The following SLC26A3 variants were observed in gnomAD, a reference collection of about 807,000 sequenced individuals.
The protein encoded by SLC26A3 is solute carrier family 26 member 3.
A neutral mutation model predicts 85.6 loss-of-function variants in SLC26A3; 64 were observed. The ratio of observed to expected loss-of-function variants is 0.75; its 90% confidence interval spans 0.61 to 0.92. SLC26A3 has a LOEUF of 0.92. Ranked by LOEUF, SLC26A3 falls within the 40% of genes least tolerant of loss-of-function variation. SLC26A3 has a pLI of 0.00. For missense variants in SLC26A3, 922 were observed against 927.3 expected (o/e 0.99, Z 0.07); for synonymous variants, 349 against 336.0 (o/e 1.04, Z -0.42).
intron 1 of SLC26A3, among the ~76,000 whole-genome samples, chr7:107,799,177 C>A (rs904987104): frequency 5.9e-5 from 9 of 152,028 alleles, no homozygotes; most frequent in South Asian, 4.1e-4. Context: ...CTGAGGTGGG[C>A]AATAATTGTT....
Position 107,789,608 on chromosome 7 carries a change from A to T in SLC26A3, c.651T>A (p.Ala217=). 1 of 1,614,014 alleles carries T rather than the reference A, an allele frequency of 6.2e-7. No individual in the cohort carries two copies. ...ESLISGFTTA[A]AVHVLVSQLK... Reference sequence around the variant, plus strand: ...GTTGGGAAACCAAAACATGAACAGCAGCAGCAGTAGTGAAGCCACTGATGA... The same window carrying T: ...GTTGGGAAACCAAAACATGAACAGCTGCAGCAGTAGTGAAGCCACTGATGA... Residue 217 remains alanine (A), a synonymous_variant, in exon 6 of 21, where the codon GCT becomes GCA. Coordinates refer to ENST00000340010, the MANE Select transcript of SLC26A3 (RefSeq NM_000111.3).
chr7:107,801,651 A>G (rs1794600315), intron 1 of SLC26A3, among the ~76,000 whole-genome samples: 1 of 152,160 alleles, frequency 6.6e-6, no homozygotes, highest in Non-Finnish European at 1.5e-5. Flanking sequence ...GCTGTTTAGG[A>G]GGTATTAAAC....
intron 4 of SLC26A3, among the ~76,000 whole-genome samples, 196 bp downstream of exon 4, chr7:107,791,633 TA>T: frequency 6.6e-6 from 1 of 151,122 alleles, no homozygotes; most frequent in East Asian, 1.9e-4. Context: ...TAAAAATAAA[TA>T]AATAAATAAA....
At chr7:107,797,500 T>TAAAGAAAAGAA (rs1562883166) in intron 1 of SLC26A3, among the ~76,000 whole-genome samples, 1 of 150,652 alleles carries the variant, frequency 6.6e-6, no homozygotes, top group Non-Finnish European at 1.5e-5. Context: ...TCTCAAAAAA[T>TAAAGAAAAGAA]AAAGAAAAGA....
chr7:107,777,916 T>C (rs1257643930), intron 13 of SLC26A3, among the ~76,000 whole-genome samples: 1 of 152,226 alleles, frequency 6.6e-6, no homozygotes, highest in East Asian at 1.9e-4. Flanking sequence ...GAGATTTATA[T>C]GATTTATTTG....
chr7:107,797,269 G>T (rs1794522344), intron 1 of SLC26A3, among the ~76,000 whole-genome samples: 4 of 152,224 alleles, frequency 2.6e-5, no homozygotes, highest in Non-Finnish European at 5.9e-5. Context: ...TGAAGCAGGA[G>T]GATCACTTGA....
At chr7:107,797,128 G>C (rs1380649953) in intron 1 of SLC26A3, among the ~76,000 whole-genome samples, 1 of 152,172 alleles carries the variant, frequency 6.6e-6, no homozygotes, top group Non-Finnish European at 1.5e-5. Context: ...TGTCCTGCCA[G>C]TAAAAGCCTC....
At chr7:107,781,507 C>T (rs535796691) in intron 11 of SLC26A3, among the ~76,000 whole-genome samples, 3 of 152,082 alleles carry the variant, frequency 2.0e-5, no homozygotes, top group African/African-American at 7.2e-5. Flanking sequence ...AAGTTTACAC[C>T]CGGGGAGAAG....
chr7:107,784,468 A>G (rs959017905), intron 8 of SLC26A3, among the ~76,000 whole-genome samples: 3 of 151,896 alleles, frequency 2.0e-5, no homozygotes, highest in Non-Finnish European at 4.4e-5. Context: ...TTTTTTTGAG[A>G]TGGGGTCTCC....
intron 7 of SLC26A3, 102 bp from the exon 8 acceptor site, chr7:107,787,011 G>A (rs893129171): frequency 2.1e-6 from 2 of 971,582 alleles, no homozygotes; most frequent in Admixed American, 3.6e-5. Context: ...TACCTGTTAA[G>A]TAAGAACTCC....
At chr7:107,792,924 G>T (rs1439990530) in intron 3 of SLC26A3, among the ~76,000 whole-genome samples, 1 of 152,102 alleles carries the variant, frequency 6.6e-6, no homozygotes, top group South Asian at 2.1e-4. Flanking sequence ...TTTAAAAATG[G>T]ATAAAAACTT....
rs113070204 is a variant in SLC26A3, at chr7:107,793,946, T to C, written c.132-65A>G. ...AAATTTTAAGTTTAGTACCTGTCGGTGGGAAATTGGTAAAGATGGTAATAT... is the reference window on the plus strand; with the variant it reads ...AAATTTTAAGTTTAGTACCTGTCGGCGGGAAATTGGTAAAGATGGTAATAT... On this transcript the variant is annotated intron_variant, in intron 2 of 20. Transcript: ENST00000340010. The C allele has an allele frequency of 5.6e-3, 8,899 of 1,602,196 alleles. 433 individuals are homozygous for C. In the African/African-American group the frequency reaches 0.1, roughly 19 times the overall value.
Position 107,793,849 on chromosome 7 carries a change from A to G in SLC26A3, c.164T>C (p.Leu55Pro). 2 of 1,614,118 alleles carry G rather than the reference A, an allele frequency of 1.2e-6. No homozygotes were observed. The highest frequency in any genetic ancestry group is 1.7e-6 in the Non-Finnish European group (2 of 1,179,990). The part of the protein sequence containing the change: ...CSPQKAKRIV[L>P]SLFPIASWLP... ...CCAAGATGCTATGGGGAACAAAGAG[A>G]GGACAATTCTCTTGGCCTTTTGTGG... Residue 55 changes from leucine (L) to proline (P), a missense_variant, in exon 3 of 21, where the codon CTC becomes CCC. Coordinates refer to ENST00000340010, the MANE Select transcript of SLC26A3 (RefSeq NM_000111.3).
intron 3 of SLC26A3, among the ~76,000 whole-genome samples, chr7:107,793,533 G>A (rs112339605): frequency 6.6e-6 from 1 of 152,128 alleles, no homozygotes; most frequent in African/African-American, 2.4e-5. Flanking sequence ...CATGAAATAT[G>A]CAGAAGAGGC....
rs1342757942 is a variant in SLC26A3, at chr7:107,767,891, G to A, written c.2080C>T (p.Leu694Phe). The A allele has an allele frequency of 6.2e-7, 1 of 1,613,512 alleles. No homozygotes were observed. Among genetic ancestry groups the A allele is most frequent in the African/African-American group, 1.3e-5 (1 of 74,992 alleles). The change falls in exon 19 of 21, where the codon CTT becomes TTT. Residue 694 changes from leucine (L) to phenylalanine (F), a missense_variant. Leu to Phe is a conservative substitution (Grantham distance 22). Coordinates refer to ENST00000340010, the MANE Select transcript of SLC26A3 (RefSeq NM_000111.3). ...VGTDDDFIEKLNRYEFFDGEV... is the reference protein window; with the variant it reads ...VGTDDDFIEKFNRYEFFDGEV... ...CCATCAAAAAATTCATACCGGTTAA[G>A]CTTCTCAATGAAGTCATCTGAAGAG...
chr7:107,800,134 T>C lies in SLC26A3; in HGVS notation c.-89+2977A>G, dbSNP rs561617753. On this transcript the variant is annotated intron_variant, in intron 1 of 20. Coordinates refer to ENST00000340010, the MANE Select transcript of SLC26A3 (RefSeq NM_000111.3). ...CTATGATATTTAACAGTTCCGTATC[T>C]CTGTACACATGATTTCCTTTGTGTT... Among the ~76,000 whole-genome samples the C allele has an allele frequency of 6.6e-4, 101 of 152,318 alleles. 2 individuals are homozygous for C. In the South Asian group the frequency reaches 0.02, roughly 31 times the overall value.
intron 6 of SLC26A3, 100 bp downstream of exon 6, chr7:107,789,424 T>C (rs1230826586): frequency 7.4e-6 from 9 of 1,214,960 alleles, no homozygotes; most frequent in Non-Finnish European, 1.1e-5. Context: ...TTACAAACTG[T>C]AGGTAAACCC....
rs574837918 is a variant in SLC26A3 at position 107,773,737 on chromosome 7, G to A, written c.2007+183C>T. 4.3e-3 allele frequency among the ~76,000 whole-genome samples: 649 copies of A among 152,276 alleles called. 1 individual carries two copies. Among genetic ancestry groups the A allele is most frequent in the Non-Finnish European group, 6.8e-3 (463 of 68,014 alleles). On this transcript the variant is annotated intron_variant, in intron 17 of 20. Coordinates refer to ENST00000340010, the MANE Select transcript of SLC26A3 (RefSeq NM_000111.3). ...AGCTGATTTTTGTATTTTTAGTAGA[G>A]ACGGGGCTTCGCCATGTTGGCCAGG...
intron 15 of SLC26A3, among the ~76,000 whole-genome samples, chr7:107,775,709 G>A (rs955917083): frequency 6.6e-6 from 1 of 151,506 alleles, no homozygotes; most frequent in Non-Finnish European, 1.5e-5. Flanking sequence ...GTGACAAAGC[G>A]AGACCTTGTC....
Sources: allele counts gnomAD v4.1 joint callset (sites outside exome capture counted in the v4.1 genomes callset), GRCh38; gene constraint gnomAD v4.1.1; transcripts MANE v1.5; gene names NCBI Gene and HGNC (gene_info 2026-07-23, HGNC 2026-07-21).